Variants in ETS1 observed in about 807,000 individuals in gnomAD.
ETS1 encodes the protein protein C-ets-1.
ETS1 carries 15 observed loss-of-function variants against 58.6 expected under a neutral mutation model. That is an observed-to-expected ratio of 0.26 (90% CI 0.17 to 0.39). ETS1 has a LOEUF of 0.39. Among genes scored for constraint, ETS1 ranks in the 10% least tolerant of loss-of-function variants. The pLI, the probability that ETS1 is intolerant of heterozygous loss-of-function variation, is 1.00. For synonymous variants in ETS1, 214 were observed against 218.2 expected, an observed-to-expected ratio of 0.98 and a Z score of 0.17; for missense variants, 417 against 610.5, an observed-to-expected ratio of 0.68 and a Z score of 3.34.
intron 3 of ETS1, among the ~76,000 whole-genome samples, chr11:128,518,669 G>T (rs752669143): frequency 3.3e-5 from 5 of 152,152 alleles, no homozygotes; most frequent in African/African-American, 4.8e-5. Context: ...TATGGTCGGC[G>T]GGGATCTGGG....
rs750913683 is a variant in ETS1 at position 128,463,478 on chromosome 11, A to C, written c.1242+31T>G. On this transcript the variant is annotated intron_variant, in intron 9 of 9. Transcript: ENST00000392668. This position sits in a 1 kb window ranked among gnomAD's most constrained non-coding sequence, Gnocchi z 4.1. ...AGGAGTTTTCTCTCATCCTTCCTCA[A>C]CACAGTACTCGCAAGCCCCTCCTTC... The C allele has an allele frequency of 1.6e-6, 2 of 1,229,128 alleles. No homozygotes were observed. Among genetic ancestry groups the C allele is most frequent in the Non-Finnish European group, 2.4e-6 (2 of 829,206 alleles). 76.1% of individuals were successfully genotyped at this position (1,229,128 alleles called of 1,614,324 possible). A position where few individuals can be genotyped will look rare whatever the true frequency, so the allele number is the denominator to read the frequency against.
In ETS1 at chr11:128,459,498, G is replaced by A. The variant is rs186544685; in HGVS notation, c.*2863C>T. 14 of 152,872 alleles carry A rather than the reference G, an allele frequency of 9.2e-5. No individual in the cohort carries two copies. In the East Asian group the frequency reaches 2.1e-3, roughly 23 times the overall value. The allele number at this position is 152,872 out of a possible 1,614,324, so 9.5% of individuals were successfully genotyped here. The stretch of plus-strand genomic sequence containing the variant: ...GAAGTCCCTCTCCAGAATGGAGAAG[G>A]GAACAAAAGTGACTCTGAACCCTAA... On this transcript the variant is annotated 3_prime_UTR_variant, in exon 10 of 10. Transcript: ENST00000392668.
At chr11:128,557,923 C>A (rs1206511685) in intron 2 of ETS1, among the ~76,000 whole-genome samples, 2 of 152,104 alleles carry the variant, frequency 1.3e-5, no homozygotes, top group African/African-American at 4.8e-5. Flanking sequence ...ATTCAGTTGC[C>A]CACTATCTGC....
intron 3 of ETS1, among the ~76,000 whole-genome samples, chr11:128,500,040 C>T (rs754199460): frequency 4.6e-5 from 7 of 152,130 alleles, no homozygotes; most frequent in Non-Finnish European, 8.8e-5. Context: ...CCAGTGAGGG[C>T]TTCAGTTGTT....
intron 1 of ETS1, among the ~76,000 whole-genome samples, chr11:128,586,902 C>T (rs1472831170): frequency 6.6e-6 from 1 of 152,280 alleles, no homozygotes; most frequent in East Asian, 1.9e-4. Context: ...CCGCGGCCCA[C>T]ACCCACACCA....
chr11:128,490,615 T>A, intron 3 of ETS1, 39 bp from the exon 4 acceptor site: 1 of 1,549,064 alleles, frequency 6.5e-7, no homozygotes. Context: ...AAAAATTACA[T>A]AGGTAATGAA....
At chr11:128,477,738 T>C (rs1413776713) in intron 8 of ETS1, among the ~76,000 whole-genome samples, 1 of 152,236 alleles carries the variant, frequency 6.6e-6, no homozygotes, top group African/African-American at 2.4e-5. Flanking sequence ...TTAAAATATC[T>C]TGAATCCAAG....
intron 2 of ETS1, among the ~76,000 whole-genome samples, chr11:128,563,030 T>C (rs1341836376): frequency 6.6e-6 from 1 of 152,100 alleles, no homozygotes; most frequent in Non-Finnish European, 1.5e-5. Flanking sequence ...ATGAGGAGTC[T>C]GTGTCTGTGG....
chr11:128,511,293 T>C (rs1863387011), intron 3 of ETS1, among the ~76,000 whole-genome samples: 1 of 152,236 alleles, frequency 6.6e-6, no homozygotes, highest in South Asian at 2.1e-4. Context: ...ACATCTATTA[T>C]TTTCAAATCT....
intron 7 of ETS1, among the ~76,000 whole-genome samples, chr11:128,482,554 A>C: frequency 6.6e-6 from 1 of 152,232 alleles, no homozygotes; most frequent in East Asian, 1.9e-4. Flanking sequence ...CCAAGCCAGA[A>C]CCAGTCTCTG....
At chr11:128,470,190 C>A (rs561303758) in intron 8 of ETS1, among the ~76,000 whole-genome samples, 1 of 152,294 alleles carries the variant, frequency 6.6e-6, no homozygotes, top group East Asian at 1.9e-4. Flanking sequence ...TCTTTGACTG[C>A]CGAGTTCATG....
At chr11:128,535,285 T>C (rs1169773347) in intron 3 of ETS1, among the ~76,000 whole-genome samples, 4 of 152,212 alleles carry the variant, frequency 2.6e-5, no homozygotes, top group African/African-American at 9.7e-5. Flanking sequence ...GTTTTGTTTT[T>C]CTTGTAAATT....
chr11:128,500,409 A>G (rs1414921257), intron 3 of ETS1, among the ~76,000 whole-genome samples: 1 of 152,166 alleles, frequency 6.6e-6, no homozygotes, highest in Non-Finnish European at 1.5e-5. Context: ...TACATTATAT[A>G]AATACATTTT....
At chr11:128,518,581 G>A (rs77105635) in intron 3 of ETS1, among the ~76,000 whole-genome samples, 2,279 of 152,278 alleles carry the variant, frequency 0.015, 47 homozygotes, top group African/African-American at 0.048. Flanking sequence ...CTAAGTGGCC[G>A]AGCTGAGATT....
intron 3 of ETS1, among the ~76,000 whole-genome samples, chr11:128,513,280 T>A (rs1399219189): frequency 3.9e-5 from 6 of 152,230 alleles, no homozygotes; most frequent in African/African-American, 1.4e-4. Flanking sequence ...CTGTTTTAAA[T>A]GTTACCTAAA....
Position 128,585,213 on chromosome 11 carries a change from A to G in ETS1, c.-15+2275T>C, listed in dbSNP as rs868191061. 4.5e-4 allele frequency among the ~76,000 whole-genome samples: 63 copies of G among 139,922 alleles called. 3 individuals are homozygous for G. Among genetic ancestry groups the G allele is most frequent in the South Asian group, 1.3e-3 (6 of 4,526 alleles). 91.8% of individuals were successfully genotyped at this position (139,922 alleles called of 152,430 possible). A position where few individuals can be genotyped will look rare whatever the true frequency, so the allele number is the denominator to read the frequency against. Reference sequence around the variant, plus strand: ...AGGAAGGAAAGAAAGAAAGAAAGAAAGAAAGAAAGAAAGAAAGAAAGAAAG... The same window carrying G: ...AGGAAGGAAAGAAAGAAAGAAAGAAGGAAAGAAAGAAAGAAAGAAAGAAAG... On this transcript the variant is annotated intron_variant, in intron 1 of 9. Coordinates refer to ENST00000392668, the MANE Select transcript of ETS1 (RefSeq NM_001143820.2).
chr11:128,461,896 C>T lies in ETS1; in HGVS notation c.*465G>A, dbSNP rs941877482. ...TCTCAGATTTTCAGTGCATCCCCCCCCAAAACATGTTTCATCCCACCCACC... is the reference window on the plus strand; with the variant it reads ...TCTCAGATTTTCAGTGCATCCCCCCTCAAAACATGTTTCATCCCACCCACC... On this transcript the variant is annotated 3_prime_UTR_variant, in exon 10 of 10. Coordinates refer to ENST00000392668, the MANE Select transcript of ETS1 (RefSeq NM_001143820.2). 2.6e-5 allele frequency: 4 copies of T among 154,922 alleles called. No homozygotes were observed. Among genetic ancestry groups the T allele is most frequent in the Admixed American group, 1.3e-4 (2 of 15,712 alleles). The allele number at this position is 154,922 out of a possible 1,614,324, so 9.6% of individuals were successfully genotyped here.
At chr11:128,562,278 A>G (rs574609353) in intron 2 of ETS1, among the ~76,000 whole-genome samples, 7 of 152,156 alleles carry the variant, frequency 4.6e-5, no homozygotes, top group Non-Finnish European at 8.8e-5. Context: ...GCGTGGTGGT[A>G]GGCACCTGTA....
chr11:128,471,499 C>T (rs921965648), intron 8 of ETS1, among the ~76,000 whole-genome samples: 1 of 152,204 alleles, frequency 6.6e-6, no homozygotes, highest in Middle Eastern at 3.2e-3. Context: ...TCTTCTAAAC[C>T]CATCAGTAAC....
Sources: allele counts gnomAD v4.1 joint callset (sites outside exome capture counted in the v4.1 genomes callset), GRCh38; gene constraint gnomAD v4.1.1; non-coding constraint Gnocchi (gnomAD v3.1); transcripts MANE v1.5; gene names NCBI Gene and HGNC (gene_info 2026-07-23, HGNC 2026-07-21).